The following CAST variants were observed in gnomAD, a reference collection of about 807,000 sequenced individuals.
The protein encoded by CAST is calpastatin.
Under a neutral mutation model 119.6 loss-of-function variants are expected in CAST, and 76 were observed. The ratio of observed to expected loss-of-function variants is 0.64; its 90% CI spans 0.53 to 0.77. CAST has a LOEUF of 0.77. CAST is among the 30% of genes least tolerant of loss of function. The pLI is 0.00. For synonymous variants in CAST, 319 were observed against 331.6 expected (o/e 0.96, Z 0.41); for missense variants, 953 against 946.5 (o/e 1.01, Z -0.09).
chr5:96,024,477 T>C, the CAST span, among the ~76,000 whole-genome samples: 1 of 152,174 alleles, frequency 6.6e-6, no homozygotes, highest in Admixed American at 6.6e-5. Flanking sequence ...ATAGGATCCC[T>C]TCCTTGGCCC....
the CAST span, among the ~76,000 whole-genome samples, chr5:96,220,297 G>A: frequency 2.0e-5 from 3 of 152,182 alleles, no homozygotes; most frequent in Non-Finnish European, 2.9e-5. Flanking sequence ...TGTCTATAAT[G>A]TTTTGTGCCC....
chr5:96,382,000 A>G, the CAST span, among the ~76,000 whole-genome samples: 98 of 152,368 alleles, frequency 6.4e-4, no homozygotes, highest in African/African-American at 2.2e-3. Flanking sequence ...ACAGCCTGAC[A>G]TAGTTAAGTG....
the CAST span, among the ~76,000 whole-genome samples, chr5:96,154,638 A>G: frequency 4.6e-5 from 7 of 152,174 alleles, no homozygotes; most frequent in Admixed American, 1.3e-4. Context: ...CCGCATCCCC[A>G]TAGATTCCTA....
the CAST span, among the ~76,000 whole-genome samples, chr5:96,045,907 T>A: frequency 2.0e-5 from 3 of 152,184 alleles, no homozygotes; most frequent in Non-Finnish European, 4.4e-5. Flanking sequence ...AATCACAGTA[T>A]GGAGACAGAA....
chr5:96,347,174 C>T, the CAST span, among the ~76,000 whole-genome samples: 7 of 152,042 alleles, frequency 4.6e-5, no homozygotes. Context: ...GCCAGGGCTA[C>T]CTGACATTTA....
chr5:96,393,907 C>T, the CAST span, among the ~76,000 whole-genome samples: 1 of 152,150 alleles, frequency 6.6e-6, no homozygotes, highest in Non-Finnish European at 1.5e-5. Context: ...AGCTGGAGAG[C>T]TCAGAGAAGC....
At chr5:96,106,561 A>G in the CAST span, among the ~76,000 whole-genome samples, 11 of 149,018 alleles carry the variant, frequency 7.4e-5, no homozygotes, top group Admixed American at 3.3e-4. Context: ...CCTGAGTTCT[A>G]GTTTGATTGC....
At chr5:96,365,556 T>C in the CAST span, among the ~76,000 whole-genome samples, 2 of 152,248 alleles carry the variant, frequency 1.3e-5, no homozygotes, top group Non-Finnish European at 2.9e-5. Context: ...TCTTGTTCAA[T>C]TGATCCCTTT....
intron 1 of CAST, among the ~76,000 whole-genome samples, chr5:96,577,324 T>A (rs560028855): frequency 6.6e-6 from 1 of 152,282 alleles, no homozygotes; most frequent in African/African-American, 2.4e-5. Context: ...TTAATTTTTT[T>A]AAGAATTAGT....
At chr5:96,154,157 A>G in the CAST span, among the ~76,000 whole-genome samples, 1 of 152,122 alleles carries the variant, frequency 6.6e-6, no homozygotes, top group African/African-American at 2.4e-5. Context: ...GGGTGCCTGT[A>G]GTCCCAGCTA....
the CAST span, among the ~76,000 whole-genome samples, chr5:96,342,384 G>T: frequency 6.6e-6 from 1 of 152,182 alleles, no homozygotes; most frequent in South Asian, 2.1e-4. Flanking sequence ...ACAGAGTGCT[G>T]GGCCCACCCC....
chr5:96,393,192 C>T, the CAST span: 1 of 1,614,136 alleles, frequency 6.2e-7, no homozygotes. Context: ...TTGAGCTTTG[C>T]ACTTGGGGAC....
At position 96,543,386 on chromosome 5, in the gene CAST, T is replaced by TG. The variant is rs200822022; in HGVS notation, c.60+13512dup. On this transcript the variant is annotated intron_variant, in intron 1 of 11. Transcript: ENST00000505143. The stretch of plus-strand genomic sequence containing the variant: ...ATCACACACTGGGGCCTGTGGGGCT[T>TG]GGGGGGCAAGGGGAGGGATAACATT... 6.6e-3 allele frequency among the ~76,000 whole-genome samples: 1,004 copies of TG among 151,678 alleles called. 12 individuals are homozygous for TG. The highest frequency in any genetic ancestry group is 0.023 in the African/African-American group (937 of 41,312).
the CAST span, among the ~76,000 whole-genome samples, chr5:96,159,469 C>A: frequency 0.33 from 49,966 of 152,002 alleles, 8,409 homozygotes; most frequent in Middle Eastern, 0.39. Flanking sequence ...AATGATGAAA[C>A]GATGTACAAA....
At chr5:96,248,089 AT>A in the CAST span, 1 of 152,252 alleles carries the variant, frequency 6.6e-6, no homozygotes, top group South Asian at 2.1e-4. Flanking sequence ...GCTTTTTGCT[AT>A]TAACACCATA....
the CAST span, among the ~76,000 whole-genome samples, chr5:96,088,158 G>A: frequency 1.3e-5 from 2 of 152,280 alleles, no homozygotes; most frequent in East Asian, 1.9e-4. Flanking sequence ...TGTTAGTAAT[G>A]CGTACTTACT....
At chr5:96,011,666 A>G in the CAST span, among the ~76,000 whole-genome samples, 1 of 152,196 alleles carries the variant, frequency 6.6e-6, no homozygotes, top group Admixed American at 6.5e-5. Flanking sequence ...TTGTTCTTCT[A>G]GATTGCTGGC....
the CAST span, among the ~76,000 whole-genome samples, chr5:96,396,865 A>T: frequency 0.23 from 35,414 of 152,200 alleles, 4,387 homozygotes; most frequent in South Asian, 0.31. Context: ...AAAACTGTTT[A>T]AAAAAGTCAT....
the CAST span, among the ~76,000 whole-genome samples, chr5:96,170,254 G>T: frequency 3.9e-5 from 6 of 152,162 alleles, no homozygotes; most frequent in Admixed American, 3.9e-4. Flanking sequence ...TGAACAGTGG[G>T]GTCCTGCACA....
Sources: gnomAD v4.1 joint callset for allele counts (sites outside exome capture counted in the v4.1 genomes callset) on GRCh38, gnomAD v4.1.1 for gene constraint, MANE v1.5 for transcripts, NCBI Gene and HGNC (gene_info 2026-07-23, HGNC 2026-07-21) for gene names.